EBF3: variants seen among roughly 807,000 people sequenced by gnomAD.
EBF3 encodes EBF transcription factor 3, also known as transcription factor COE3.
In EBF3, 18 loss-of-function variants were observed where a neutral mutation model predicts 77.1. That is an observed-to-expected ratio of 0.23 (90% confidence interval 0.16 to 0.35). The LOEUF (loss-of-function observed/expected upper bound fraction) is 0.35. Ranked by LOEUF, EBF3 falls within the 10% of genes least tolerant of loss-of-function variation. The pLI, the probability that EBF3 is intolerant of heterozygous loss-of-function variation, is 1.00. For missense variants in EBF3, 558 were observed against 860.0 expected, an observed-to-expected ratio of 0.65 and a Z score of 4.39; for synonymous variants, 350 against 343.5, an observed-to-expected ratio of 1.02 and a Z score of -0.21.
rs143374970 is a variant in EBF3, at chr10:129,908,505, C to T, written c.555-30656G>A. Among the ~76,000 whole-genome samples, 10 of 152,310 alleles carry T rather than the reference C, an allele frequency of 6.6e-5. No homozygotes were observed. The East Asian group carries it at 1.7e-3, about 26-fold the overall frequency. ...CGAATACAAATCTCATTCCAAATAGCGCTGGAAGGGGACACGGGCTAGAGG... is the reference window on the plus strand; with the variant it reads ...CGAATACAAATCTCATTCCAAATAGTGCTGGAAGGGGACACGGGCTAGAGG... On this transcript the variant is annotated intron_variant, in intron 6 of 16. Coordinates refer to ENST00000440978, the MANE Select transcript of EBF3 (RefSeq NM_001375380.1).
chr10:129,909,845 C>T (rs116220039), intron 6 of EBF3, among the ~76,000 whole-genome samples: 336 of 152,340 alleles, frequency 2.2e-3, no homozygotes, highest in African/African-American at 7.5e-3. Context: ...CTTTCCTCGC[C>T]GCTCTGACCT....
At chr10:129,950,001 G>A (rs1402973000) in intron 6 of EBF3, among the ~76,000 whole-genome samples, 1 of 148,734 alleles carries the variant, frequency 6.7e-6, no homozygotes, top group East Asian at 2.0e-4. Flanking sequence ...CAGGAGGGTG[G>A]AGGGTGGAGG....
In EBF3 at chr10:129,863,459, C is replaced by T. The variant is rs923851590; in HGVS notation, c.1039+3682G>A. On this transcript the variant is annotated intron_variant, in intron 10 of 16. Coordinates refer to ENST00000440978, the MANE Select transcript of EBF3 (RefSeq NM_001375380.1). This position sits in a 1 kb window ranked among gnomAD's most constrained non-coding sequence, Gnocchi z 4.0. ...GAAAAATCTGGTGTTTCTCAGATCA[C>T]TGTAAACAGATCATTGAGGCCCTTT... Among the ~76,000 whole-genome samples, 3 of 152,362 alleles carry T rather than the reference C, an allele frequency of 2.0e-5. No individual in the cohort carries two copies. The highest frequency in any genetic ancestry group is 1.9e-4 in the East Asian group (1 of 5,186).
At chr10:129,959,060 G>A (rs1859269534) in intron 4 of EBF3, 53 bp from the exon 5 acceptor site, 2 of 1,593,640 alleles carry the variant, frequency 1.3e-6, no homozygotes, top group Admixed American at 1.7e-5. Context: ...CGGCTTTGGC[G>A]CCAAATCGCC....
rs570111888 is a variant in EBF3, at chr10:129,842,762, T to TTAA, written c.1194+374_1194+375insTTA. ...CTGGGTGACAGAGCAAGACCCTGTC[T>TTAA]AAAAAAAAAAAAAAAAAAAGGGAGC... On this transcript the variant is annotated intron_variant, in intron 12 of 16. Coordinates refer to ENST00000440978, the MANE Select transcript of EBF3 (RefSeq NM_001375380.1). The surrounding 1 kb of genome is among the most constrained non-coding windows in gnomAD (Gnocchi z 4.4). Among the ~76,000 whole-genome samples, 2 of 112,744 alleles carry TTAA rather than the reference T, an allele frequency of 1.8e-5. No homozygotes were observed. The highest frequency in any genetic ancestry group is 3.5e-5 in the Non-Finnish European group (2 of 57,768). 74.0% of individuals were successfully genotyped at this position (112,744 alleles called of 152,430 possible).
At chr10:129,918,643 C>A (rs548643644) in intron 6 of EBF3, among the ~76,000 whole-genome samples, 1 of 152,220 alleles carries the variant, frequency 6.6e-6, no homozygotes, top group Non-Finnish European at 1.5e-5. Flanking sequence ...TGCCCTACCC[C>A]CCTCCCCAGC....
chr10:129,919,112 C>T (rs928683427), intron 6 of EBF3, among the ~76,000 whole-genome samples: 4 of 152,268 alleles, frequency 2.6e-5, no homozygotes, highest in Non-Finnish European at 4.4e-5. Flanking sequence ...AGGGCGAGTA[C>T]GCAGGTGACC....
intron 6 of EBF3, among the ~76,000 whole-genome samples, chr10:129,937,827 T>C (rs767537507): frequency 6.6e-6 from 1 of 152,166 alleles, no homozygotes; most frequent in Non-Finnish European, 1.5e-5. Flanking sequence ...CCCCAAGACG[T>C]CACTGTGCTT....
chr10:129,918,669 C>T (rs1856061220), intron 6 of EBF3, among the ~76,000 whole-genome samples: 1 of 152,212 alleles, frequency 6.6e-6, no homozygotes, highest in African/African-American at 2.4e-5. Context: ...GCCCCAGGGG[C>T]CTACAGGTCA....
chr10:129,958,049 C>T (rs1859171354), intron 5 of EBF3, among the ~76,000 whole-genome samples: 1 of 152,154 alleles, frequency 6.6e-6, no homozygotes, highest in South Asian at 2.1e-4. Context: ...CACATCTGTG[C>T]GCTTTCTATG....
At chr10:129,940,211 G>A (rs1370061007) in intron 6 of EBF3, among the ~76,000 whole-genome samples, 1 of 152,210 alleles carries the variant, frequency 6.6e-6, no homozygotes, top group African/African-American at 2.4e-5. Flanking sequence ...CTGTAGGTCA[G>A]GAGCAGCCTT....
At chr10:129,882,720 G>A (rs941322597) in intron 6 of EBF3, among the ~76,000 whole-genome samples, 4 of 152,224 alleles carry the variant, frequency 2.6e-5, no homozygotes, top group Non-Finnish European at 4.4e-5. Context: ...CTGATGAGAT[G>A]CACTTCATCT....
chr10:129,874,947 G>T (rs1008374814), intron 7 of EBF3, among the ~76,000 whole-genome samples: 2 of 152,004 alleles, frequency 1.3e-5, no homozygotes, highest in Non-Finnish European at 2.9e-5. Flanking sequence ...GGGGTACACG[G>T]GCGATCTCTG....
rs141942396 is a variant in EBF3, at chr10:129,952,194, C to G, written c.554+5064G>C. Among the ~76,000 whole-genome samples the G allele has an allele frequency of 2.9e-3, 435 of 152,316 alleles. 2 individuals carry two copies. The highest frequency in any genetic ancestry group is 7.3e-3 in the Admixed American group (112 of 15,302). On this transcript the variant is annotated intron_variant, in intron 6 of 16. Coordinates refer to ENST00000440978, the MANE Select transcript of EBF3 (RefSeq NM_001375380.1). This position sits in a 1 kb window ranked among gnomAD's most constrained non-coding sequence, Gnocchi z 4.7. ...TCCGCCAAGAGAGGATCTCCAGGAC[C>G]CCAAGGCCTATCCAATGATAATTAT...
intron 6 of EBF3, among the ~76,000 whole-genome samples, chr10:129,884,224 T>C (rs1444868749): frequency 6.6e-6 from 1 of 152,124 alleles, no homozygotes; most frequent in Non-Finnish European, 1.5e-5. Flanking sequence ...TACTGAGCAA[T>C]TCTAGCCGAT....
chr10:129,943,784 CTT>C lies in EBF3; in HGVS notation c.554+13472_554+13473del, dbSNP rs1440107926. ...CAACACAGAAACAAAGATTCAGTCT[CTT>C]TAAGGTTTTTGGGCTTGATCCTTTT... is the stretch of plus-strand genomic sequence containing the variant. On this transcript the variant is annotated intron_variant, in intron 6 of 16. Coordinates refer to ENST00000440978, the MANE Select transcript of EBF3 (RefSeq NM_001375380.1). This position sits in a 1 kb window ranked among gnomAD's most constrained non-coding sequence, Gnocchi z 8.8. Among the ~76,000 whole-genome samples, 1 of 152,206 alleles carries C rather than the reference CTT, an allele frequency of 6.6e-6. No individual in the cohort carries two copies. The highest frequency in any genetic ancestry group is 2.4e-5 in the African/African-American group (1 of 41,444).
chr10:129,900,169 C>T (rs1438988142), intron 6 of EBF3, among the ~76,000 whole-genome samples: 1 of 152,182 alleles, frequency 6.6e-6, no homozygotes, highest in Non-Finnish European at 1.5e-5. Context: ...CCAATATTCA[C>T]CTTGAAAGAG....
intron 7 of EBF3, 27 bp downstream of exon 7, chr10:129,877,741 G>T (rs774881529): frequency 1.3e-6 from 2 of 1,595,614 alleles, no homozygotes; most frequent in Admixed American, 3.4e-5. Context: ...CAGGACCACG[G>T]TCCACGTGTC....
rs1222692154 is a variant in EBF3 at position 129,861,355 on chromosome 10, A to G, written c.1039+5786T>C. Among the ~76,000 whole-genome samples the G allele has an allele frequency of 1.3e-5, 2 of 152,182 alleles. No homozygotes were observed. Among genetic ancestry groups the G allele is most frequent in the East Asian group, 1.9e-4 (1 of 5,184 alleles). ...AAAAAAAAGTCACCCTTTGCCATCCATATTTAAACAAAGGACAAAAACTAA... is the reference window on the plus strand; with the variant it reads ...AAAAAAAAGTCACCCTTTGCCATCCGTATTTAAACAAAGGACAAAAACTAA... On this transcript the variant is annotated intron_variant, in intron 10 of 16. Transcript: ENST00000440978. The surrounding 1 kb of genome is among the most constrained non-coding windows in gnomAD (Gnocchi z 4.3).
Sources: allele counts gnomAD v4.1 joint callset (sites outside exome capture counted in the v4.1 genomes callset), GRCh38; gene constraint gnomAD v4.1.1; non-coding constraint Gnocchi (gnomAD v3.1); transcripts MANE v1.5; gene names NCBI Gene and HGNC (gene_info 2026-07-23, HGNC 2026-07-21).